Variants in NCAM1 observed in about 807,000 individuals in gnomAD.
NCAM1 encodes antigen recognized by monoclonal antibody 5.1H11.
Under a neutral mutation model 109.8 loss-of-function variants are expected in NCAM1, and 14 were observed. That is an observed-to-expected ratio of 0.13 (90% CI 0.08 to 0.20). The LOEUF is 0.20. NCAM1 is among the 10% of genes least tolerant of loss of function. The pLI is 1.00. For missense variants in NCAM1, 774 were observed against 1,109.9 expected (o/e 0.70, Z 4.30); for synonymous variants, 418 against 442.9 (o/e 0.94, Z 0.70).
At position 112,993,071 on chromosome 11, in the gene NCAM1, G is replaced by A. The variant is rs141920945; in HGVS notation, c.52+31407G>A. On this transcript the variant is annotated intron_variant, in intron 1 of 19. Coordinates refer to ENST00000316851, the MANE Select transcript of NCAM1 (RefSeq NM_181351.5). ...TTGGTTAAATTCTTAACTTTAAGCA[G>A]TCAACTGATACTTTGCTTTTTGTAT... is the stretch of plus-strand genomic sequence containing the variant. Among the ~76,000 whole-genome samples the A allele has an allele frequency of 2.0e-3, 309 of 152,286 alleles. 1 individual carries two copies. The highest frequency in any genetic ancestry group is 7.3e-3 in the African/African-American group (302 of 41,552).
intron 17 of NCAM1, chr11:113,262,722 C>A: frequency 9.4e-7 from 1 of 1,062,862 alleles, no homozygotes; most frequent in Non-Finnish European, 1.3e-6. Flanking sequence ...TCCTTCTGTC[C>A]CCCTCCCCTT....
Position 113,233,255 on chromosome 11 carries a change from A to G in NCAM1, c.1631A>G (p.Lys544Arg). ...ATGGVPILKY[K>R]AEWRAVGEEV... ...GGTGGGGTGCCCATCCTCAAATACA[A>G]AGCTGAGTGGAGAGCAGTTGGTGAA... The change falls in exon 13 of 20, where the codon AAA (lysine) becomes AGA (arginine). Residue 544 changes from lysine (K) to arginine (R), a missense_variant. This residue lies in a region of NCAM1 where 523 missense variants were observed against 784.2 expected (regional missense o/e 0.67). Coordinates refer to ENST00000316851, the MANE Select transcript of NCAM1 (RefSeq NM_181351.5). The surrounding 1 kb of genome is among the most constrained non-coding windows in gnomAD (Gnocchi z 4.5). 6.2e-7 allele frequency: 1 copy of G among 1,613,746 alleles called. No homozygotes were observed. The highest frequency in any genetic ancestry group is 8.5e-7 in the Non-Finnish European group (1 of 1,179,828).
At chr11:113,262,460 C>T (rs1185955632) in intron 17 of NCAM1, among the ~76,000 whole-genome samples, 1 of 152,148 alleles carries the variant, frequency 6.6e-6, no homozygotes, top group Non-Finnish European at 1.5e-5. Flanking sequence ...AGCGTGGAGG[C>T]TTCTGTTCTC....
chr11:113,275,509 CAT>C lies in NCAM1; in HGVS notation c.*123_*124del, dbSNP rs1946385600. 7 of 1,189,874 alleles carry C rather than the reference CAT, an allele frequency of 5.9e-6. No homozygotes were observed. The highest frequency in any genetic ancestry group is 1.5e-5 in the African/African-American group (1 of 64,678). 73.7% of individuals were successfully genotyped at this position (1,189,874 alleles called of 1,614,324 possible). A position where few individuals can be genotyped will look rare whatever the true frequency, so the allele number is the denominator to read the frequency against. ...ACACAAACACACATGCACACACACACATCTCATTTCTCTAGTGTCTTTTGCCT... is the reference window on the plus strand; with the variant it reads ...ACACAAACACACATGCACACACACACCTCATTTCTCTAGTGTCTTTTGCCT... On this transcript the variant is annotated 3_prime_UTR_variant, in exon 20 of 20. Coordinates refer to ENST00000316851, the MANE Select transcript of NCAM1 (RefSeq NM_181351.5).
chr11:113,055,945 G>A (rs997749204), intron 1 of NCAM1, among the ~76,000 whole-genome samples: 9 of 128,244 alleles, frequency 7.0e-5, no homozygotes, highest in African/African-American at 2.7e-4. Flanking sequence ...GAAACTAAAT[G>A]TCCATCAGTG....
At chr11:113,263,817 T>TA (rs1946072960) in intron 17 of NCAM1, 1 of 985,518 alleles carries the variant, frequency 1.0e-6, no homozygotes, top group African/African-American at 1.7e-5. Context: ...ATTAGTCCCC[T>TA]ACCTGGCCTG....
At chr11:113,232,139 T>C (rs1945028933) in intron 10 of NCAM1, 31 bp from the exon 11 acceptor site, 1 of 1,546,510 alleles carries the variant, frequency 6.5e-7, no homozygotes, top group Non-Finnish European at 8.7e-7. Context: ...ATCATGGCAG[T>C]CATCCTGACA....
At chr11:113,056,215 A>T (rs1293403288) in intron 1 of NCAM1, among the ~76,000 whole-genome samples, 15 of 151,512 alleles carry the variant, frequency 9.9e-5, no homozygotes, top group Admixed American at 3.9e-4. Context: ...TAGAGAGTAG[A>T]ATGCTGGTTA....
chr11:112,966,426 A>G (rs1309289801), intron 1 of NCAM1, among the ~76,000 whole-genome samples: 3 of 152,224 alleles, frequency 2.0e-5, no homozygotes, highest in Admixed American at 6.5e-5. Flanking sequence ...TCTGAATCCT[A>G]ATGATTAGGT....
In NCAM1 at chr11:113,001,660, C is replaced by G. The variant is rs146901418; in HGVS notation, c.52+39996C>G. ...TGAAAGCTGCACTGATACCTACTGA[C>G]TTGTCTCATTTGCCATTGTAGGCCG... On this transcript the variant is annotated intron_variant, in intron 1 of 19. Coordinates refer to ENST00000316851, the MANE Select transcript of NCAM1 (RefSeq NM_181351.5). Among the ~76,000 whole-genome samples, 1,383 of 152,262 alleles carry G rather than the reference C, an allele frequency of 9.1e-3. 7 individuals carry two copies. The highest frequency in any genetic ancestry group is 0.013 in the Non-Finnish European group (863 of 68,016).
chr11:113,227,840 T>C (rs1451542028), intron 9 of NCAM1, among the ~76,000 whole-genome samples: 2 of 152,214 alleles, frequency 1.3e-5, no homozygotes, highest in Non-Finnish European at 2.9e-5. Flanking sequence ...AACCACATGA[T>C]TATCTCAACA....
At chr11:112,965,429 G>C (rs192771606) in intron 1 of NCAM1, among the ~76,000 whole-genome samples, 274 of 152,186 alleles carry the variant, frequency 1.8e-3, no homozygotes, top group South Asian at 8.1e-3. Context: ...TCCTCAGATA[G>C]GTAATATGTA....
At chr11:113,196,076 G>C (rs1209138738) in intron 1 of NCAM1, among the ~76,000 whole-genome samples, 1 of 152,090 alleles carries the variant, frequency 6.6e-6, no homozygotes, top group East Asian at 1.9e-4. Flanking sequence ...TTCACTTACA[G>C]ATGAGGAATA....
At chr11:113,167,926 C>G (rs963136618) in intron 1 of NCAM1, among the ~76,000 whole-genome samples, 1 of 152,118 alleles carries the variant, frequency 6.6e-6, no homozygotes, top group Admixed American at 6.5e-5. Context: ...TTTCTCTTCT[C>G]TCCCCAAAAA....
At chr11:113,076,137 C>G (rs1245103) in intron 1 of NCAM1, among the ~76,000 whole-genome samples, 127,706 of 152,186 alleles carry the variant, frequency 0.84, 54,085 homozygotes, top group African/African-American at 0.96. Flanking sequence ...GGCTAGGACT[C>G]GGGCAGCGTC....
At chr11:113,089,973 A>C (rs1180704225) in intron 1 of NCAM1, among the ~76,000 whole-genome samples, 2 of 152,208 alleles carry the variant, frequency 1.3e-5, no homozygotes, top group African/African-American at 4.8e-5. Context: ...AGTATATTCA[A>C]CTTAATATTA....
intron 1 of NCAM1, among the ~76,000 whole-genome samples, chr11:113,103,458 A>C (rs1307569135): frequency 6.6e-6 from 1 of 152,198 alleles, no homozygotes; most frequent in Non-Finnish European, 1.5e-5. Context: ...AATTTATAAA[A>C]GGGGACAAGT....
At chr11:113,125,593 T>C (rs1555096919) in intron 1 of NCAM1, among the ~76,000 whole-genome samples, 1 of 152,208 alleles carries the variant, frequency 6.6e-6, no homozygotes, top group Non-Finnish European at 1.5e-5. Flanking sequence ...TGGCTTATAC[T>C]ACATTAGTCT....
At chr11:113,197,517 A>T (rs1306305086) in intron 1 of NCAM1, among the ~76,000 whole-genome samples, 5 of 152,204 alleles carry the variant, frequency 3.3e-5, no homozygotes, top group African/African-American at 1.2e-4. Flanking sequence ...CCCTTATCTC[A>T]TCATAGTCAC....
Sources: gnomAD v4.1 joint callset for allele counts (sites outside exome capture counted in the v4.1 genomes callset) on GRCh38, gnomAD v4.1.1 for gene constraint, gnomAD v4.1.1 regional missense constraint, Gnocchi (gnomAD v3.1) non-coding constraint, MANE v1.5 for transcripts, NCBI Gene and HGNC (gene_info 2026-07-23, HGNC 2026-07-21) for gene names.